The following PLEKHA1 variants were observed in gnomAD, a reference collection of about 807,000 sequenced individuals.
The protein encoded by PLEKHA1 is pleckstrin homology domain containing A1, also known as pleckstrin homology domain-containing family A member 1.
Under a neutral mutation model 52.0 loss-of-function variants are expected in PLEKHA1, and 34 were observed. The observed-to-expected ratio is 0.65, with a 90% CI of 0.50 to 0.87. The LOEUF (loss-of-function observed/expected upper bound fraction) is 0.87. PLEKHA1 is among the 40% of genes least tolerant of loss of function. The pLI is 0.00. For missense variants in PLEKHA1, 497 were observed against 504.2 expected, an observed-to-expected ratio of 0.99 and a Z score of 0.14; for synonymous variants, 163 against 170.7, an observed-to-expected ratio of 0.95 and a Z score of 0.35.
the PLEKHA1 span, chr10:122,440,786 A>C: frequency 1.3e-5 from 2 of 152,230 alleles, no homozygotes; most frequent in Non-Finnish European, 2.9e-5. Flanking sequence ...TGTTGATTAG[A>C]TTGGCCCAAA....
chr10:122,401,907 A>G (rs568144976), intron 4 of PLEKHA1, among the ~76,000 whole-genome samples: 1 of 152,268 alleles, frequency 6.6e-6, no homozygotes, highest in South Asian at 2.1e-4. Flanking sequence ...AGTAGTTAGG[A>G]ATAGCATCTT....
intron 5 of PLEKHA1, among the ~76,000 whole-genome samples, chr10:122,410,332 G>C (rs1332173203): frequency 6.6e-6 from 1 of 152,132 alleles, no homozygotes; most frequent in African/African-American, 2.4e-5. Flanking sequence ...AAAAAGGATA[G>C]AAAGCCAAGG....
At chr10:122,428,612 TTTATA>T (rs950901951) in intron 11 of PLEKHA1, among the ~76,000 whole-genome samples, 4 of 152,280 alleles carry the variant, frequency 2.6e-5, no homozygotes, top group African/African-American at 9.6e-5. Context: ...GAGTTTCAAT[TTTATA>T]TTATGTATTT....
intron 4 of PLEKHA1, among the ~76,000 whole-genome samples, chr10:122,402,122 T>G (rs1264949025): frequency 6.6e-6 from 1 of 152,208 alleles, no homozygotes; most frequent in Non-Finnish European, 1.5e-5. Context: ...ATAATGCACA[T>G]ACTTTTGACA....
chr10:122,402,505 G>C (rs2096943834), intron 4 of PLEKHA1, among the ~76,000 whole-genome samples: 1 of 152,168 alleles, frequency 6.6e-6, no homozygotes, highest in South Asian at 2.1e-4. Flanking sequence ...GTAGATAGAG[G>C]AATGGTAGAT....
chr10:122,398,205 T>G (rs2096877288), intron 3 of PLEKHA1, among the ~76,000 whole-genome samples: 1 of 152,156 alleles, frequency 6.6e-6, no homozygotes, highest in African/African-American at 2.4e-5. Flanking sequence ...TAACATTAAC[T>G]TTTATGATCA....
At chr10:122,375,585 C>T (rs892209310) in intron 1 of PLEKHA1, among the ~76,000 whole-genome samples, 1 of 152,204 alleles carries the variant, frequency 6.6e-6, no homozygotes, top group East Asian at 1.9e-4. Context: ...TTTCTATTGA[C>T]CTCCTGGAAA....
the PLEKHA1 span, chr10:122,441,796 A>G: frequency 1.3e-5 from 2 of 152,204 alleles, no homozygotes; most frequent in African/African-American, 4.8e-5. Flanking sequence ...AACACCAACT[A>G]AACTCTGAGC....
In PLEKHA1 at chr10:122,420,025, G is replaced by A. The variant is rs11200623; in HGVS notation, c.681+2057G>A. Reference sequence around the variant, plus strand: ...GCTTGCCATATGCACAGTACCTTTGGGTAAAATCCAGAAGACACCGGCATC... The same window carrying A: ...GCTTGCCATATGCACAGTACCTTTGAGTAAAATCCAGAAGACACCGGCATC... On this transcript the variant is annotated intron_variant, in intron 8 of 11. Transcript: ENST00000368990. 1,795 of 152,298 alleles carry A rather than the reference G, an allele frequency of 0.012. 95 individuals are homozygous for A. The East Asian group carries it at 0.18, about 15-fold the overall frequency. 9.4% of individuals were successfully genotyped at this position (152,298 alleles called of 1,614,324 possible).
At chr10:122,426,319 ATTAC>A in intron 10 of PLEKHA1, among the ~76,000 whole-genome samples, 1 of 146,814 alleles carries the variant, frequency 6.8e-6, no homozygotes, top group South Asian at 2.1e-4. Flanking sequence ...CTTTGTTAAT[ATTAC>A]TTATTCAAAA....
Position 122,399,154 on chromosome 10 carries a change from T to G in PLEKHA1, c.198+1180T>G, listed in dbSNP as rs535603677. Among the ~76,000 whole-genome samples, 230 of 152,268 alleles carry G rather than the reference T, an allele frequency of 1.5e-3. 2 individuals are homozygous for G. Among genetic ancestry groups the G allele is most frequent in the African/African-American group, 5.1e-3 (213 of 41,560 alleles). On this transcript the variant is annotated intron_variant, in intron 3 of 11. Coordinates refer to ENST00000368990, the MANE Select transcript of PLEKHA1 (RefSeq NM_001001974.4). The stretch of plus-strand genomic sequence containing the variant: ...ACTCTACTTTGGACGTACCACTTTT[T>G]TTCCAAAAAAAAATTTATTGTTCCA...
chr10:122,425,186 A>T (rs1201919991), intron 10 of PLEKHA1: 2 of 352,148 alleles, frequency 5.7e-6, no homozygotes, highest in Non-Finnish European at 1.0e-5. Flanking sequence ...AAGTATTTAG[A>T]GAAAGGGAAA....
At chr10:122,375,460 G>A (rs1209894242) in intron 1 of PLEKHA1, among the ~76,000 whole-genome samples, 1 of 151,990 alleles carries the variant, frequency 6.6e-6, no homozygotes, top group Non-Finnish European at 1.5e-5. Context: ...CTTGCCCAAG[G>A]TCACGCAGGT....
At chr10:122,382,259 C>A (rs1323410253) in intron 1 of PLEKHA1, among the ~76,000 whole-genome samples, 1 of 152,130 alleles carries the variant, frequency 6.6e-6, no homozygotes, top group Non-Finnish European at 1.5e-5. Flanking sequence ...AACCCTGTAC[C>A]CTCCTATCCT....
In PLEKHA1 at chr10:122,400,401, GTTATATAT is replaced by G. The variant is rs2096911086; in HGVS notation, c.244+14_244+21del. The G allele has an allele frequency of 3.1e-6, 5 of 1,599,452 alleles. No homozygotes were observed. Among genetic ancestry groups the G allele is most frequent in the Non-Finnish European group, 4.3e-6 (5 of 1,174,054 alleles). ...GAGTTCTGTTTTGGTAAGTAGCCATGTTATATATATTTTAAATAGACTGATATAATTGT... is the reference window on the plus strand; with the variant it reads ...GAGTTCTGTTTTGGTAAGTAGCCATGATTTTAAATAGACTGATATAATTGT... On this transcript the variant is annotated intron_variant, in intron 4 of 11. Coordinates refer to ENST00000368990, the MANE Select transcript of PLEKHA1 (RefSeq NM_001001974.4).
intron 1 of PLEKHA1, among the ~76,000 whole-genome samples, chr10:122,385,088 CA>C (rs1286602099): frequency 4.6e-5 from 7 of 152,054 alleles, no homozygotes; most frequent in African/African-American, 1.7e-4. Flanking sequence ...AGATACAGAA[CA>C]TTTCCATAAC....
chr10:122,393,223 A>G lies in PLEKHA1; in HGVS notation c.23A>G (p.Asn8Ser). 5 of 1,611,966 alleles carry G rather than the reference A, an allele frequency of 3.1e-6. No homozygotes were observed. The highest frequency in any genetic ancestry group is 4.2e-6 in the Non-Finnish European group (5 of 1,179,096). ...GAAATGCCTTATGTGGATCGTCAGA[A>G]TCGCATTTGTGGTTTTCTAGACATT... The part of the protein sequence containing the change: MPYVDRQ[N>S]RICGFLDIEE... Residue 8 changes from asparagine (N) to serine (S), a missense_variant, in exon 2 of 12, where the codon AAT becomes AGT. Physicochemically the swap from Asn to Ser is conservative, Grantham distance 46 (BLOSUM62 1). Transcript: ENST00000368990. This position sits in a 1 kb window ranked among gnomAD's most constrained non-coding sequence, Gnocchi z 4.5.
chr10:122,398,439 T>C (rs2096880802), intron 3 of PLEKHA1, among the ~76,000 whole-genome samples: 1 of 152,130 alleles, frequency 6.6e-6, no homozygotes, highest in Non-Finnish European at 1.5e-5. Flanking sequence ...TCTCTTTTCA[T>C]TTCTGTTTTC....
At chr10:122,435,984 TACTG>T (rs1433176522), downstream of PLEKHA1, 1 of 152,160 alleles carries the variant, frequency 6.6e-6, no homozygotes, top group Non-Finnish European at 1.5e-5. Context: ...ATAACCAAGA[TACTG>T]ACACTGATAC....
Sources: allele counts gnomAD v4.1 joint callset (sites outside exome capture counted in the v4.1 genomes callset), GRCh38; gene constraint gnomAD v4.1.1; non-coding constraint Gnocchi (gnomAD v3.1); transcripts MANE v1.5; gene names NCBI Gene and HGNC (gene_info 2026-07-23, HGNC 2026-07-21).